Variants in MCC observed in about 807,000 individuals in gnomAD.
MCC encodes the protein MCC regulator of Wnt signaling pathway.
A neutral mutation model predicts 116.2 loss-of-function variants in MCC; 90 were observed. The observed-to-expected ratio is 0.77, with a 90% CI of 0.65 to 0.92. MCC has a LOEUF of 0.92. Ranked by LOEUF, MCC falls within the 40% of genes least tolerant of loss-of-function variation. The pLI is 0.00. For missense variants in MCC, 1,516 were observed against 1,312.2 expected, an observed-to-expected ratio of 1.16 and a Z score of -2.40; for synonymous variants, 578 against 510.5, an observed-to-expected ratio of 1.13 and a Z score of -1.78.
intron 1 of MCC, among the ~76,000 whole-genome samples, chr5:113,478,608 A>G (rs1198736100): frequency 6.6e-6 from 1 of 152,166 alleles, no homozygotes; most frequent in Non-Finnish European, 1.5e-5. Flanking sequence ...TCAGACATGG[A>G]AGTCAAGTAT....
At chr5:113,120,239 T>C (rs964270712) in intron 6 of MCC, among the ~76,000 whole-genome samples, 11 of 152,140 alleles carry the variant, frequency 7.2e-5, no homozygotes, top group African/African-American at 2.4e-4. Context: ...AGCATGTTGG[T>C]ATGAACTTAG....
chr5:113,229,984 C>T (rs520680), intron 3 of MCC, among the ~76,000 whole-genome samples: 39,448 of 152,076 alleles, frequency 0.26, 5,452 homozygotes, highest in African/African-American at 0.32. Context: ...ACCATATATG[C>T]CGCATTTCTG....
chr5:113,137,670 TG>T (rs1758921201), intron 5 of MCC, among the ~76,000 whole-genome samples: 1 of 152,174 alleles, frequency 6.6e-6, no homozygotes, highest in Admixed American at 6.5e-5. Context: ...TTGTTGTTGT[TG>T]TTATGCCCCT....
intron 3 of MCC, among the ~76,000 whole-genome samples, chr5:113,241,644 G>C (rs558367798): frequency 1.3e-5 from 2 of 152,248 alleles, no homozygotes; most frequent in Admixed American, 6.5e-5. Context: ...AAAGAACAGA[G>C]AACTCTGTGA....
intron 3 of MCC, among the ~76,000 whole-genome samples, chr5:113,276,115 C>A (rs767884881): frequency 3.3e-5 from 5 of 152,046 alleles, no homozygotes; most frequent in Admixed American, 1.3e-4. Context: ...AGTGTGGGAA[C>A]AGCACAGCAG....
intron 14 of MCC, among the ~76,000 whole-genome samples, chr5:113,057,377 G>T (rs996667317): frequency 3.3e-5 from 5 of 152,152 alleles, no homozygotes; most frequent in African/African-American, 1.2e-4. Flanking sequence ...TGCACCTTGG[G>T]AGCTACAGCA....
intron 3 of MCC, among the ~76,000 whole-genome samples, chr5:113,290,395 T>A (rs1766435591): frequency 6.6e-6 from 1 of 152,244 alleles, no homozygotes; most frequent in Non-Finnish European, 1.5e-5. Flanking sequence ...GATTGCTTTG[T>A]ACAAATTCTT....
At chr5:113,127,219 T>A (rs934384706) in intron 5 of MCC, among the ~76,000 whole-genome samples, 1 of 152,258 alleles carries the variant, frequency 6.6e-6, no homozygotes, top group African/African-American at 2.4e-5. Context: ...CCATGGTATA[T>A]ACGTACCACA....
chr5:113,269,122 C>T, intron 3 of MCC: 3 of 974,380 alleles, frequency 3.1e-6, no homozygotes, highest in Non-Finnish European at 3.7e-6. Context: ...AAAGTCAGAC[C>T]AGCCTTGCAA....
intron 2 of MCC, among the ~76,000 whole-genome samples, chr5:113,373,644 C>G (rs974902143): frequency 2.0e-5 from 3 of 152,158 alleles, no homozygotes; most frequent in Non-Finnish European, 4.4e-5. Context: ...CGTGACCTCT[C>G]AAGATAAATT....
intron 1 of MCC, among the ~76,000 whole-genome samples, chr5:113,465,133 G>A (rs1302328127): frequency 6.7e-6 from 1 of 150,148 alleles, no homozygotes; most frequent in East Asian, 1.9e-4. Flanking sequence ...CAATGAGGAA[G>A]GGAGGCCACA....
At chr5:113,125,080 A>G (rs60853585) in intron 5 of MCC, among the ~76,000 whole-genome samples, 14,146 of 152,266 alleles carry the variant, frequency 0.093, 937 homozygotes, top group African/African-American at 0.18. Flanking sequence ...AAACCAAAAT[A>G]TGGCACAGGA....
chr5:113,474,031 C>A lies in MCC; in HGVS notation c.170+14214G>T, dbSNP rs367943. 7.2e-5 allele frequency among the ~76,000 whole-genome samples: 11 copies of A among 152,078 alleles called. No homozygotes were observed. In the South Asian group the frequency reaches 1.5e-3, roughly 20 times the overall value. On this transcript the variant is annotated intron_variant, in intron 1 of 18. Transcript: ENST00000408903. ...GCAGGGGCACTGAATTTTGGTCACA[C>A]TGATCTTTTAGATTAGGTAAAATGC... is the stretch of plus-strand genomic sequence containing the variant.
At chr5:113,362,127 A>G (rs1197498665) in intron 2 of MCC, among the ~76,000 whole-genome samples, 1 of 152,142 alleles carries the variant, frequency 6.6e-6, no homozygotes, top group African/African-American at 2.4e-5. Context: ...GACTAATACA[A>G]TGTTCCTGAA....
intron 1 of MCC, among the ~76,000 whole-genome samples, chr5:113,444,081 G>A (rs529724927): frequency 1.3e-4 from 20 of 152,028 alleles, no homozygotes; most frequent in East Asian, 1.9e-4. Context: ...CTGACCTCAC[G>A]TGATCTATCC....
chr5:113,408,936 T>C (rs1049424544), intron 1 of MCC, among the ~76,000 whole-genome samples: 1 of 152,202 alleles, frequency 6.6e-6, no homozygotes, highest in African/African-American at 2.4e-5. Context: ...AGGCTTTATT[T>C]GAATGAAGTT....
At chr5:113,377,344 T>C (rs562152906) in intron 2 of MCC, among the ~76,000 whole-genome samples, 2 of 152,080 alleles carry the variant, frequency 1.3e-5, no homozygotes, top group East Asian at 3.9e-4. Flanking sequence ...TAAGGGCCCA[T>C]GTGGGAAGCA....
chr5:113,298,607 T>G (rs1195974998), intron 3 of MCC, among the ~76,000 whole-genome samples: 1 of 152,020 alleles, frequency 6.6e-6, no homozygotes, highest in Non-Finnish European at 1.5e-5. Flanking sequence ...AACCAGGAGA[T>G]GGAGCAAAGT....
At chr5:113,223,156 G>C (rs1412819953) in intron 3 of MCC, among the ~76,000 whole-genome samples, 1 of 152,318 alleles carries the variant, frequency 6.6e-6, no homozygotes, top group East Asian at 1.9e-4. Context: ...GGGAGTGCAA[G>C]AAGATGAGGC....
Sources: gnomAD v4.1 joint callset for allele counts (sites outside exome capture counted in the v4.1 genomes callset) on GRCh38, gnomAD v4.1.1 for gene constraint, MANE v1.5 for transcripts, NCBI Gene and HGNC (gene_info 2026-07-23, HGNC 2026-07-21) for gene names.